The following USP32 variants were observed in gnomAD, a reference collection of about 807,000 sequenced individuals.
The protein encoded by USP32 is ubiquitin carboxyl-terminal hydrolase 32.
USP32 carries 59 observed loss-of-function variants against 204.8 expected under a neutral mutation model. That is an observed-to-expected ratio of 0.29 (90% confidence interval 0.23 to 0.36). USP32 has a LOEUF of 0.36. Ranked by LOEUF, USP32 falls within the 10% of genes least tolerant of loss-of-function variation. The pLI is 1.00. For missense variants in USP32, 1,160 were observed against 1,946.4 expected, an observed-to-expected ratio of 0.60 and a Z score of 7.60; for synonymous variants, 517 against 678.4, an observed-to-expected ratio of 0.76 and a Z score of 3.70.
intron 12 of USP32, among the ~76,000 whole-genome samples, chr17:60,231,020 G>C (rs373427496): frequency 6.6e-6 from 1 of 152,184 alleles, no homozygotes. Context: ...TCAGAAGATA[G>C]ATTTCTAAAT....
intron 30 of USP32, among the ~76,000 whole-genome samples, chr17:60,183,876 CTGCT>C: frequency 6.6e-6 from 1 of 152,310 alleles, no homozygotes; most frequent in South Asian, 2.1e-4. Context: ...CATGACTGCT[CTGCT>C]TGTTTTATGT....
chr17:60,401,494 G>T (rs2089935012), intron 1 of USP32, among the ~76,000 whole-genome samples: 1 of 152,158 alleles, frequency 6.6e-6, no homozygotes, highest in Admixed American at 6.5e-5. Context: ...GGCTATCAAT[G>T]TGCAATACTT....
intron 1 of USP32, among the ~76,000 whole-genome samples, chr17:60,373,495 G>A (rs986345081): frequency 4.1e-5 from 6 of 146,790 alleles, no homozygotes; most frequent in African/African-American, 1.5e-4. Flanking sequence ...CCAGGCTAGA[G>A]TGCAGTGGCA....
chr17:60,271,529 C>T (rs1282910584), intron 5 of USP32, 48 bp from the exon 6 acceptor site: 2 of 1,583,078 alleles, frequency 1.3e-6, no homozygotes, highest in Admixed American at 3.4e-5. Context: ...ATTCTCTTCT[C>T]AGGAGTTCAG....
intron 27 of USP32, among the ~76,000 whole-genome samples, chr17:60,194,540 T>C (rs763300459): frequency 8.5e-5 from 13 of 152,224 alleles, no homozygotes; most frequent in Non-Finnish European, 1.5e-4. Flanking sequence ...TCACTAAAGA[T>C]TGCAGCACCC....
chr17:60,260,716 C>T (rs111482227), intron 9 of USP32, among the ~76,000 whole-genome samples: 1 of 117,014 alleles, frequency 8.5e-6, no homozygotes, highest in Non-Finnish European at 1.6e-5. Context: ...AAATTATATA[C>T]AGATTTAGGA....
intron 8 of USP32, 40 bp from the exon 9 acceptor site, chr17:60,265,514 A>C (rs1186913849): frequency 1.5e-6 from 2 of 1,321,726 alleles, no homozygotes; most frequent in Non-Finnish European, 2.1e-6. Flanking sequence ...AAAACAGTGA[A>C]TATACTTTTA....
rs139623259 is a variant in USP32, at chr17:60,356,477, A to AAC, written c.59-10871_59-10870dup. ...TTGCAAACTGACTGTACAACATTTG[A>AAC]ACACACACCCGAGTAGTATAGAACC... is the stretch of plus-strand genomic sequence containing the variant. On this transcript the variant is annotated intron_variant, in intron 1 of 33. Transcript: ENST00000300896. Among the ~76,000 whole-genome samples, 338 of 152,262 alleles carry AAC rather than the reference A, an allele frequency of 2.2e-3. 6 individuals carry two copies. Among genetic ancestry groups the AAC allele is most frequent in the East Asian group, 0.018 (95 of 5,176 alleles).
At chr17:60,343,463 A>G (rs574487862) in intron 2 of USP32, among the ~76,000 whole-genome samples, 105 of 152,346 alleles carry the variant, frequency 6.9e-4, no homozygotes, top group Non-Finnish European at 1.0e-3. Context: ...CTGAGACCAC[A>G]GTGCAATCAA....
intron 2 of USP32, among the ~76,000 whole-genome samples, chr17:60,303,328 C>T (rs1265234723): frequency 1.3e-5 from 2 of 152,082 alleles, no homozygotes; most frequent in African/African-American, 4.8e-5. Context: ...CCAGACCTTA[C>T]AGATCCCCTA....
intron 4 of USP32, among the ~76,000 whole-genome samples, chr17:60,294,173 T>C (rs2087363420): frequency 6.6e-6 from 1 of 152,184 alleles, no homozygotes; most frequent in Admixed American, 6.6e-5. Context: ...CCCAAAGTAC[T>C]TGGATTACAG....
At chr17:60,408,184 A>G (rs557944788) in intron 1 of USP32, among the ~76,000 whole-genome samples, 3 of 152,286 alleles carry the variant, frequency 2.0e-5, no homozygotes, top group African/African-American at 7.2e-5. Context: ...GCAGGGGGGA[A>G]AAATCAGGTG....
intron 27 of USP32, 142 bp downstream of exon 27, chr17:60,198,118 G>T: frequency 8.9e-7 from 1 of 1,129,608 alleles, no homozygotes; most frequent in Non-Finnish European, 1.2e-6. Flanking sequence ...AAACCAAATG[G>T]TTGAATTGTA....
intron 1 of USP32, among the ~76,000 whole-genome samples, chr17:60,382,947 A>T (rs2089669746): frequency 6.6e-6 from 1 of 152,168 alleles, no homozygotes. Context: ...TTTAACTATC[A>T]TTTAAAACTT....
Position 60,222,402 on chromosome 17 carries a change from T to C in USP32, c.1749+7A>G, listed in dbSNP as rs781579301. ...TCCTTATATAAGGCACTATTAACTATACTTACTGGTCTAGGTAAGGCCAGG... is the reference window on the plus strand; with the variant it reads ...TCCTTATATAAGGCACTATTAACTACACTTACTGGTCTAGGTAAGGCCAGG... On this transcript the variant is annotated splice_region_variant and intron_variant, in intron 15 of 33. Coordinates refer to ENST00000300896, the MANE Select transcript of USP32 (RefSeq NM_032582.4). The C allele has an allele frequency of 2.3e-5, 37 of 1,613,328 alleles. No homozygotes were observed. Among genetic ancestry groups the C allele is most frequent in the Non-Finnish European group, 3.0e-5 (35 of 1,179,608 alleles).
intron 1 of USP32, among the ~76,000 whole-genome samples, chr17:60,408,037 G>A (rs2089992135): frequency 6.6e-6 from 1 of 150,880 alleles, no homozygotes; most frequent in African/African-American, 2.4e-5. Flanking sequence ...GGTGGAGATT[G>A]CAGTGAGCTG....
chr17:60,401,726 GAAAA>G (rs546936112), intron 1 of USP32, among the ~76,000 whole-genome samples: 2 of 124,944 alleles, frequency 1.6e-5, no homozygotes, highest in South Asian at 2.5e-4. Context: ...ATAAAAAAAA[GAAAA>G]AAAAAAAAAG....
intron 14 of USP32, 102 bp downstream of exon 14, chr17:60,223,309 A>G (rs1436597887): frequency 1.1e-6 from 1 of 931,322 alleles, no homozygotes; most frequent in South Asian, 1.5e-5. Flanking sequence ...TACAGTAATT[A>G]AATGAACCAT....
intron 12 of USP32, among the ~76,000 whole-genome samples, chr17:60,228,863 T>A (rs2085470403): frequency 6.6e-6 from 1 of 151,492 alleles, no homozygotes; most frequent in Non-Finnish European, 1.5e-5. Flanking sequence ...AAATGGAGTC[T>A]TACTGTATTG....
Sources: allele counts gnomAD v4.1 joint callset (sites outside exome capture counted in the v4.1 genomes callset), GRCh38; gene constraint gnomAD v4.1.1; transcripts MANE v1.5; gene names NCBI Gene and HGNC (gene_info 2026-07-23, HGNC 2026-07-21).